RBM6: variants seen among roughly 807,000 people sequenced by gnomAD.
The protein encoded by RBM6 is RNA binding motif protein 6.
RBM6 carries 23 observed loss-of-function variants against 140.4 expected under a neutral mutation model. The ratio of observed to expected loss-of-function variants is 0.16; its 90% confidence interval spans 0.12 to 0.23. The LOEUF (loss-of-function observed/expected upper bound fraction) is 0.23. Ranked by LOEUF, RBM6 falls within the 10% of genes least tolerant of loss-of-function variation. The pLI is 1.00. For missense variants in RBM6, 1,139 were observed against 1,386.7 expected (o/e 0.82, Z 2.84); for synonymous variants, 439 against 475.6 (o/e 0.92, Z 1.00).
At chr3:50,075,649 A>G (rs1209461993) in intron 20 of RBM6, among the ~76,000 whole-genome samples, 3 of 152,210 alleles carry the variant, frequency 2.0e-5, no homozygotes, top group Non-Finnish European at 4.4e-5. Flanking sequence ...GGAATCAGCA[A>G]TGAAAGGTAC....
chr3:49,949,934 G>T (rs888614766), intron 1 of RBM6, among the ~76,000 whole-genome samples: 1 of 152,034 alleles, frequency 6.6e-6, no homozygotes, highest in African/African-American at 2.4e-5. Flanking sequence ...TATTGGCCAG[G>T]CTGGTTTTGA....
At chr3:49,958,780 T>TC (rs1390325647) in intron 1 of RBM6, among the ~76,000 whole-genome samples, 4 of 134,972 alleles carry the variant, frequency 3.0e-5, no homozygotes, top group Admixed American at 2.3e-4. Context: ...TCTGAAGAAT[T>TC]CCTTTTTTTT....
At chr3:50,005,870 T>C (rs941523035) in intron 6 of RBM6, among the ~76,000 whole-genome samples, 1 of 152,062 alleles carries the variant, frequency 6.6e-6, no homozygotes, top group Non-Finnish European at 1.5e-5. Context: ...AGTAGAAACA[T>C]GGGGAACTGC....
At chr3:49,966,190 C>A (rs2084511453) in intron 2 of RBM6, among the ~76,000 whole-genome samples, 1 of 152,148 alleles carries the variant, frequency 6.6e-6, no homozygotes, top group Non-Finnish European at 1.5e-5. Context: ...ACTGAGTGAC[C>A]CAGAATCAGT....
intron 3 of RBM6, among the ~76,000 whole-genome samples, chr3:49,969,511 A>G (rs982660181): frequency 6.8e-6 from 1 of 146,916 alleles, no homozygotes; most frequent in Non-Finnish European, 1.5e-5. Context: ...ATATATATTT[A>G]TATATATATA....
intron 6 of RBM6, among the ~76,000 whole-genome samples, chr3:50,006,794 G>A (rs2086599562): frequency 1.3e-5 from 2 of 151,926 alleles, no homozygotes; most frequent in South Asian, 2.1e-4. Flanking sequence ...TTAGCTGGGC[G>A]TGGTGGCGGG....
At chr3:50,073,255 A>G (rs1376300436) in intron 19 of RBM6, among the ~76,000 whole-genome samples, 1 of 152,132 alleles carries the variant, frequency 6.6e-6, no homozygotes, top group Non-Finnish European at 1.5e-5. Context: ...AGACTGGGTA[A>G]TTTATAATGA....
intron 1 of RBM6, among the ~76,000 whole-genome samples, chr3:49,958,573 CAAAAACA>C (rs1177152266): frequency 4.6e-5 from 6 of 129,052 alleles, no homozygotes; most frequent in Non-Finnish European, 8.2e-5. Context: ...GACTCTGTCT[CAAAAACA>C]AAAAACAAAA....
intron 5 of RBM6, among the ~76,000 whole-genome samples, chr3:49,980,497 C>T (rs1339379740): frequency 2.6e-5 from 4 of 151,912 alleles, no homozygotes; most frequent in African/African-American, 4.8e-5. Flanking sequence ...CGGTGGCTCA[C>T]GCCTGTAATC....
intron 1 of RBM6, among the ~76,000 whole-genome samples, chr3:49,955,408 A>T (rs551611282): frequency 5.6e-5 from 8 of 143,730 alleles, no homozygotes; most frequent in East Asian, 4.2e-4. Context: ...TTATATATAT[A>T]TTTTTTGAAA....
chr3:50,070,269 C>T lies in RBM6; in HGVS notation c.3019-186C>T, dbSNP rs368129786. 1.4e-4 allele frequency among the ~76,000 whole-genome samples: 22 copies of T among 152,058 alleles called. No individual in the cohort carries two copies. In the East Asian group the frequency reaches 2.3e-3, roughly 16 times the overall value. ...ACTTGGGAGGCTGAGGCAGGAGAAT[C>T]GCTTGAACCTGGGAGGCGGAGGTTG... On this transcript the variant is annotated intron_variant, in intron 18 of 20. Transcript: ENST00000266022.
chr3:50,035,118 A>G (rs1483839074), intron 6 of RBM6, among the ~76,000 whole-genome samples: 6 of 150,092 alleles, frequency 4.0e-5, no homozygotes, highest in Non-Finnish European at 7.4e-5. Context: ...CTGTATCCAT[A>G]CAGGTCTGCA....
In RBM6 at chr3:50,048,282, A is replaced by C. The variant is rs1368749102; in HGVS notation, c.1595A>C (p.Glu532Ala). 1 of 1,613,402 alleles carries C rather than the reference A, an allele frequency of 6.2e-7. No homozygotes were observed. The highest frequency in any genetic ancestry group is 2.2e-5 in the East Asian group (1 of 44,874). Residue 532 changes from glutamate (E) to alanine (A), a missense_variant, in exon 7 of 21, where the codon GAG (glutamate) becomes GCG (alanine). Around this residue, in one of 9 missense-constraint regions of RBM6, gnomAD observed 58 missense variants for 99.7 expected, o/e 0.58. Transcript: ENST00000266022. ...LMIQDKEVTLEYVSSLDFWYC... is the reference protein window; with the variant it reads ...LMIQDKEVTLAYVSSLDFWYC... The stretch of plus-strand genomic sequence containing the variant: ...ATCCAGGACAAAGAAGTTACCCTGG[A>C]GTATGTATCAAGCCTGGATTTTTGG...
intron 18 of RBM6, among the ~76,000 whole-genome samples, chr3:50,070,078 C>T (rs924726648): frequency 3.9e-5 from 6 of 152,106 alleles, no homozygotes; most frequent in African/African-American, 7.2e-5. Flanking sequence ...ATAACAAGGC[C>T]GGGTGCGGTG....
rs1369273064 is a variant in RBM6 at position 50,077,055 on chromosome 3, C to T, written c.3294C>T (p.Thr1098=). ...CCAGTGTTGGAGCCTCAGGAAGAAC[C>T]AGCAAAAGACAGTCCAACGAGACTT... is the stretch of plus-strand genomic sequence containing the variant. ...RGPSVGASGR[T]SKRQSNETYR... The change falls in exon 21 of 21, where the codon ACC becomes ACT. Residue 1098 remains threonine, a synonymous_variant. Transcript: ENST00000266022. 1 of 1,613,006 alleles carries T rather than the reference C, an allele frequency of 6.2e-7. No homozygotes were observed. Among genetic ancestry groups the T allele is most frequent in the South Asian group, 1.1e-5 (1 of 90,996 alleles).
chr3:49,957,294 C>T (rs1334427555), intron 1 of RBM6, among the ~76,000 whole-genome samples: 1 of 151,316 alleles, frequency 6.6e-6, no homozygotes, highest in East Asian at 1.9e-4. Context: ...TGACTTTCTT[C>T]TCATTTTCTT....
At chr3:49,965,686 A>G (rs146998160) in intron 2 of RBM6, among the ~76,000 whole-genome samples, 2,727 of 151,886 alleles carry the variant, frequency 0.018, 48 homozygotes, top group Middle Eastern at 0.041. Context: ...AAAAAAAAGA[A>G]GAACATCTAA....
intron 6 of RBM6, among the ~76,000 whole-genome samples, chr3:50,024,394 T>G (rs535257308): frequency 3.9e-4 from 60 of 152,018 alleles, no homozygotes; most frequent in Non-Finnish European, 5.9e-4. Context: ...CTGCTTCATA[T>G]GGAGAAGCCC....
At chr3:49,975,448 CTGCATCATG>C (rs1202857468) in intron 5 of RBM6, 56 bp downstream of exon 5, 5 of 1,380,834 alleles carry the variant, frequency 3.6e-6, no homozygotes, top group Non-Finnish European at 5.1e-6. Flanking sequence ...TGTCAGATCT[CTGCATCATG>C]TGCTACTTAA....
Sources: allele counts gnomAD v4.1 joint callset (sites outside exome capture counted in the v4.1 genomes callset), GRCh38; gene constraint gnomAD v4.1.1; regional missense constraint gnomAD v4.1.1; transcripts MANE v1.5; gene names NCBI Gene and HGNC (gene_info 2026-07-23, HGNC 2026-07-21).